TASOR2: variants seen among roughly 807,000 people sequenced by gnomAD.
TASOR2 encodes the protein protein TASOR 2.
Under a neutral mutation model 199.5 loss-of-function variants are expected in TASOR2, and 84 were observed. The observed-to-expected ratio is 0.42, with a 90% CI of 0.35 to 0.50. The LOEUF (loss-of-function observed/expected upper bound fraction) is 0.50. TASOR2 is among the 20% of genes least tolerant of loss of function. The pLI, the probability that TASOR2 is intolerant of heterozygous loss-of-function variation, is 0.02. For missense variants in TASOR2, 2,796 were observed against 2,835.9 expected (o/e 0.99, Z 0.32); for synonymous variants, 1,103 against 1,046.6 (o/e 1.05, Z -1.04).
exon 21 of TASOR2, chr10:5,763,289 G>T: frequency 2.6e-6 from 1 of 379,274 alleles, no homozygotes. Context: ...TGCCTTCTAA[G>T]CTATTGAGCT....
At position 5,742,026 on chromosome 10, in the gene TASOR2, C is replaced by T; in HGVS notation, c.2328-71C>T. The T allele has an allele frequency of 2.1e-6, 3 of 1,449,372 alleles. No individual in the cohort carries two copies. Among genetic ancestry groups the T allele is most frequent in the Non-Finnish European group, 2.8e-6 (3 of 1,056,828 alleles). 89.8% of individuals were successfully genotyped at this position (1,449,372 alleles called of 1,614,324 possible). A position where few individuals can be genotyped will look rare whatever the true frequency, so the allele number is the denominator to read the frequency against. On this transcript the variant is annotated intron_variant, in intron 13 of 20. Transcript: ENST00000328090. This position sits in a 1 kb window ranked among gnomAD's most constrained non-coding sequence, Gnocchi z 4.2. The stretch of plus-strand genomic sequence containing the variant: ...AACTAAGGAATATTGGAGGCACTTG[C>T]TTATGATAAGGTAATCAACTAAAAT...
At chr10:5,709,388 C>T in intron 1 of TASOR2, 1 of 492,080 alleles carries the variant, frequency 2.0e-6, no homozygotes, top group African/African-American at 2.0e-5. Context: ...AAGTCCTTAG[C>T]TGAGAATACT....
In TASOR2 at chr10:5,722,007, C is replaced by T. The variant is rs561091218; in HGVS notation, c.146+1037C>T. Among the ~76,000 whole-genome samples the T allele has an allele frequency of 6.6e-6, 1 of 152,302 alleles. No homozygotes were observed. Among genetic ancestry groups the T allele is most frequent in the South Asian group, 2.1e-4 (1 of 4,828 alleles). On this transcript the variant is annotated intron_variant, in intron 6 of 20. Coordinates refer to ENST00000328090, the Ensembl canonical transcript of TASOR2. The surrounding 1 kb of genome is among the most constrained non-coding windows in gnomAD (Gnocchi z 4.0). Reference sequence around the variant, plus strand: ...ACTAAAGAGACGTGATTACTGAATGCATTGTGGCATCTTGGATTGGAAATT... The same window carrying T: ...ACTAAAGAGACGTGATTACTGAATGTATTGTGGCATCTTGGATTGGAAATT...
chr10:5,753,773 T>C (rs1033532422), intron 15 of TASOR2, among the ~76,000 whole-genome samples: 6 of 152,230 alleles, frequency 3.9e-5, no homozygotes, highest in Admixed American at 6.5e-5. Flanking sequence ...TGAAAAGTTA[T>C]TGAATGGTCT....
chr10:5,731,199 A>C, exon 11 of TASOR2: 1 of 1,600,182 alleles, frequency 6.2e-7, no homozygotes, highest in Non-Finnish European at 8.5e-7. Context: ...AGAAAAGAAA[A>C]AGAGGTAAGC....
rs775915213 is a variant in TASOR2, at chr10:5,748,318, G to A, written c.4897G>A (p.Val1633Met). The stretch of plus-strand genomic sequence containing the variant: ...AACAGATGAAGGCATTTATCTGCAG[G>A]TGAAGTCCTTGACAGCTGCCTCGGT... The change falls in exon 15 of 21, where the codon GTG becomes ATG. Residue 1633 changes from valine to methionine, a missense_variant. Val to Met is a conservative substitution (Grantham distance 21). Transcript: ENST00000328090. The surrounding 1 kb of genome is among the most constrained non-coding windows in gnomAD (Gnocchi z 5.1). The A allele has an allele frequency of 1.1e-5, 18 of 1,614,094 alleles. No homozygotes were observed. Among genetic ancestry groups the A allele is most frequent in the Non-Finnish European group, 1.5e-5 (18 of 1,180,044 alleles).
exon 15 of TASOR2, chr10:5,749,851 G>C: frequency 1.2e-6 from 2 of 1,614,148 alleles, no homozygotes; most frequent in Non-Finnish European, 8.5e-7. Flanking sequence ...AGAAGCCACT[G>C]CTCAAGAGAT....
intron 1 of TASOR2, among the ~76,000 whole-genome samples, chr10:5,692,510 G>A (rs901270239): frequency 2.6e-5 from 4 of 152,142 alleles, no homozygotes; most frequent in South Asian, 4.1e-4. Context: ...CCTGTGCTCC[G>A]TTCTGACGAC....
At position 5,751,334 on chromosome 10, in the gene TASOR2, A is replaced by G. The variant is rs1838005199; in HGVS notation, c.6606+1307A>G. ...ACTATGATGATTGCCAAATAGTGAT[A>G]CTGAAATTCCACCAGATTCCTTCTG... On this transcript the variant is annotated intron_variant, in intron 15 of 20. Coordinates refer to ENST00000328090, the Ensembl canonical transcript of TASOR2. This position sits in a 1 kb window ranked among gnomAD's most constrained non-coding sequence, Gnocchi z 5.3. Among the ~76,000 whole-genome samples the G allele has an allele frequency of 6.6e-6, 1 of 152,224 alleles. No individual in the cohort carries two copies. Among genetic ancestry groups the G allele is most frequent in the Non-Finnish European group, 1.5e-5 (1 of 68,044 alleles).
intron 1 of TASOR2, among the ~76,000 whole-genome samples, chr10:5,692,104 G>T (rs1490516039): frequency 7.1e-6 from 1 of 140,430 alleles, no homozygotes; most frequent in Non-Finnish European, 1.5e-5. Flanking sequence ...GAAACCAGGA[G>T]GCAGAGGTTG....
intron 15 of TASOR2, among the ~76,000 whole-genome samples, chr10:5,753,916 A>G (rs542980741): frequency 6.6e-6 from 1 of 152,298 alleles, no homozygotes; most frequent in African/African-American, 2.4e-5. Flanking sequence ...CTGACATGAG[A>G]TAGAGTGACT....
chr10:5,756,490 A>T, intron 15 of TASOR2, 123 bp from the exon 17 acceptor site: 1 of 884,286 alleles, frequency 1.1e-6, no homozygotes, highest in South Asian at 2.1e-5. Flanking sequence ...TTTAGTAATA[A>T]GACAAATTGT....
At position 5,746,938 on chromosome 10, in the gene TASOR2, C is replaced by T. The variant is rs1362626658; in HGVS notation, c.3517C>T (p.Pro1173Ser). Residue 1173 changes from proline to serine, a missense_variant, in exon 15 of 21, where the codon CCC becomes TCC. Pro to Ser is a moderately conservative substitution (Grantham distance 74). Around this residue, in one of 3 missense-constraint regions of TASOR2, gnomAD observed 1,941 missense variants for 1,924.9 expected, o/e 1.01. Coordinates refer to ENST00000328090, the Ensembl canonical transcript of TASOR2. ...AGCTAAAAGTTCTAGTCATCTATCACCCAGTGAAGAAGTGAGATGCACTCA... is the reference window on the plus strand; with the variant it reads ...AGCTAAAAGTTCTAGTCATCTATCATCCAGTGAAGAAGTGAGATGCACTCA... The T allele has an allele frequency of 8.1e-6, 13 of 1,614,068 alleles. No homozygotes were observed. In the Admixed American group the frequency reaches 1.0e-4, roughly 12 times the overall value.
At chr10:5,756,535 T>C (rs1011471665) in intron 15 of TASOR2, 78 bp from the exon 17 acceptor site, 4 of 1,476,218 alleles carry the variant, frequency 2.7e-6, no homozygotes, top group Admixed American at 2.1e-5. Flanking sequence ...ATACTGCTTT[T>C]CATTATTTTA....
chr10:5,743,737 G>T (rs1836759804), intron 14 of TASOR2: 2 of 152,278 alleles, frequency 1.3e-5, no homozygotes, highest in African/African-American at 4.8e-5. Flanking sequence ...AATACCATTT[G>T]TCGTGGTAAT....
exon 12 of TASOR2, chr10:5,735,368 T>C (rs768140519): frequency 3.1e-6 from 5 of 1,614,040 alleles, no homozygotes. Flanking sequence ...ACCAAGAAGC[T>C]CCTATTTCTA....
intron 14 of TASOR2, among the ~76,000 whole-genome samples, chr10:5,743,247 G>A (rs1836686776): frequency 1.3e-5 from 2 of 152,194 alleles, no homozygotes; most frequent in Admixed American, 6.5e-5. Context: ...TTAAGAAAGA[G>A]TAGACAGTGT....
At chr10:5,756,714 A>C in exon 16 of TASOR2, 1 of 1,612,932 alleles carries the variant, frequency 6.2e-7, no homozygotes, top group Non-Finnish European at 8.5e-7. Context: ...TCAGAAATGA[A>C]GATATATCAT....
exon 15 of TASOR2, chr10:5,746,410 G>C: frequency 6.2e-7 from 1 of 1,614,062 alleles, no homozygotes; most frequent in Non-Finnish European, 8.5e-7. Flanking sequence ...CTCTGTGTAC[G>C]GCACCCTTGA....
Sources: gnomAD v4.1 joint callset for allele counts (sites outside exome capture counted in the v4.1 genomes callset) on GRCh38, gnomAD v4.1.1 for gene constraint, gnomAD v4.1.1 regional missense constraint, Gnocchi (gnomAD v3.1) non-coding constraint, MANE v1.5 for transcripts, NCBI Gene and HGNC (gene_info 2026-07-23, HGNC 2026-07-21) for gene names.